The following COL19A1 variants were observed in gnomAD, a reference collection of about 807,000 sequenced individuals.
COL19A1 encodes collagen type XIX alpha 1 chain, also known as collagen alpha-1(XIX) chain.
COL19A1 carries 159 observed loss-of-function variants against 190.2 expected under a neutral mutation model. That is an observed-to-expected ratio of 0.84 (90% CI 0.73 to 0.95). The LOEUF is 0.95. Ranked by LOEUF, COL19A1 falls within the 40% of genes least tolerant of loss-of-function variation. The pLI, the probability that COL19A1 is intolerant of heterozygous loss-of-function variation, is 0.00. For missense variants in COL19A1, 1,418 were observed against 1,431.9 expected (o/e 0.99, Z 0.16); for synonymous variants, 509 against 458.9 (o/e 1.11, Z -1.39).
intron 15 of COL19A1, among the ~76,000 whole-genome samples, chr6:70,076,792 A>T (rs1397841852): frequency 6.6e-6 from 1 of 152,186 alleles, no homozygotes; most frequent in Non-Finnish European, 1.5e-5. Flanking sequence ...CCACAGAAAC[A>T]CTTAAAGAGA....
At chr6:69,937,044 T>C in intron 8 of COL19A1, 134 bp downstream of exon 8, 1 of 1,287,494 alleles carries the variant, frequency 7.8e-7, no homozygotes, top group Non-Finnish European at 1.1e-6. Context: ...GTTACTGGGG[T>C]GGGTTAAGAA....
At chr6:70,149,668 G>GTGGAA in intron 27 of COL19A1, 36 bp from the exon 28 acceptor site, 1 of 1,609,388 alleles carries the variant, frequency 6.2e-7, no homozygotes, top group Non-Finnish European at 8.5e-7. Flanking sequence ...GACATTCTTG[G>GTGGAA]TGGAATTTTA....
chr6:69,900,440 A>G (rs1770108044), intron 4 of COL19A1, 102 bp downstream of exon 4: 2 of 595,390 alleles, frequency 3.4e-6, no homozygotes, highest in African/African-American at 1.9e-5. Flanking sequence ...TCTCAATAGC[A>G]TCATCCTCAC....
chr6:70,103,572 C>A (rs370749242), intron 16 of COL19A1, among the ~76,000 whole-genome samples: 1 of 152,196 alleles, frequency 6.6e-6, no homozygotes, highest in Non-Finnish European at 1.5e-5. Context: ...CTCCTCTATG[C>A]CCTTCCTTCT....
intron 11 of COL19A1, among the ~76,000 whole-genome samples, chr6:69,997,456 G>GT (rs1776988870): frequency 6.6e-6 from 1 of 152,200 alleles, no homozygotes; most frequent in African/African-American, 2.4e-5. Context: ...CAGAAATATT[G>GT]TAAATCTGTT....
intron 19 of COL19A1, 46 bp downstream of exon 19, chr6:70,137,793 G>A (rs770359771): frequency 7.5e-6 from 12 of 1,589,626 alleles, no homozygotes; most frequent in African/African-American, 5.4e-5. Flanking sequence ...TCTAAAAAAC[G>A]GGATTAAAAA....
intron 6 of COL19A1, among the ~76,000 whole-genome samples, chr6:69,930,491 G>A (rs1772685658): frequency 6.6e-6 from 1 of 152,076 alleles, no homozygotes; most frequent in Admixed American, 6.6e-5. Flanking sequence ...AGTGTTCTAT[G>A]TCCTGTGTCT....
chr6:70,137,332 C>A (rs1302234543), intron 18 of COL19A1, among the ~76,000 whole-genome samples: 6 of 152,104 alleles, frequency 3.9e-5, no homozygotes, highest in Admixed American at 3.3e-4. Context: ...AGTCTGATGT[C>A]TTTGAGATCA....
chr6:69,903,796 G>A (rs1358190469), intron 4 of COL19A1, among the ~76,000 whole-genome samples: 1 of 152,166 alleles, frequency 6.6e-6, no homozygotes, highest in Non-Finnish European at 1.5e-5. Flanking sequence ...ACTACCTGTA[G>A]GGCTTATGCC....
At chr6:70,176,653 G>A (rs946315155) in intron 42 of COL19A1, 89 bp downstream of exon 42, 6 of 1,282,588 alleles carry the variant, frequency 4.7e-6, no homozygotes, top group Non-Finnish European at 6.5e-6. Flanking sequence ...ACAGGCAGGA[G>A]AGCATACCAT....
Position 69,921,348 on chromosome 6 carries a change from T to C in COL19A1, c.267-6561T>C, listed in dbSNP as rs1385210518. Among the ~76,000 whole-genome samples, 3 of 132,222 alleles carry C rather than the reference T, an allele frequency of 2.3e-5. No homozygotes were observed. The South Asian group carries it at 6.8e-4, about 30-fold the overall frequency. 86.7% of individuals were successfully genotyped at this position (132,222 alleles called of 152,430 possible). ...ATATATCATATATCTATATATATCA[T>C]ATATCATAATCATATATATCATATA... On this transcript the variant is annotated intron_variant, in intron 4 of 50. Coordinates refer to ENST00000620364, the MANE Select transcript of COL19A1 (RefSeq NM_001858.6).
At chr6:69,908,885 T>C (rs1770723911) in intron 4 of COL19A1, among the ~76,000 whole-genome samples, 1 of 152,160 alleles carries the variant, frequency 6.6e-6, no homozygotes, top group Non-Finnish European at 1.5e-5. Context: ...AATAAGTTTG[T>C]TTAAAAGGTA....
At chr6:69,992,459 A>T (rs550476929) in intron 11 of COL19A1, among the ~76,000 whole-genome samples, 48 of 152,218 alleles carry the variant, frequency 3.2e-4, no homozygotes, top group African/African-American at 1.1e-3. Context: ...TGTATACAAG[A>T]ACTTAAAGTA....
rs1562271899 is a variant in COL19A1 at position 70,207,359 on chromosome 6, G to GTTT, written c.*85_*86insTTT. The GTTT allele has an allele frequency of 2.8e-5, 25 of 895,564 alleles. No individual in the cohort carries two copies. The highest frequency in any genetic ancestry group is 5.9e-4 in the Middle Eastern group (2 of 3,372). 55.5% of individuals were successfully genotyped at this position (895,564 alleles called of 1,614,324 possible). On this transcript the variant is annotated 3_prime_UTR_variant, in exon 51 of 51. Coordinates refer to ENST00000620364, the MANE Select transcript of COL19A1 (RefSeq NM_001858.6). ...TACCGTCAAACCCTCATCATCTGTGGGTTGCTTTTTTTTTTTTTTTTTTTT... is the reference window on the plus strand; with the variant it reads ...TACCGTCAAACCCTCATCATCTGTGGTTTGTTGCTTTTTTTTTTTTTTTTTTTT...
intron 42 of COL19A1, among the ~76,000 whole-genome samples, chr6:70,177,064 T>A (rs2150281021): frequency 6.6e-6 from 1 of 152,308 alleles, no homozygotes; most frequent in South Asian, 2.1e-4. Context: ...ATCATTTTTG[T>A]TGCTCTCTGG....
intron 46 of COL19A1, among the ~76,000 whole-genome samples, chr6:70,185,131 C>G (rs1169404839): frequency 6.6e-6 from 1 of 152,164 alleles, no homozygotes; most frequent in Non-Finnish European, 1.5e-5. Flanking sequence ...TGTACACAGC[C>G]AAGTATACTT....
chr6:70,082,809 G>T (rs749934168), intron 15 of COL19A1, among the ~76,000 whole-genome samples: 11 of 152,160 alleles, frequency 7.2e-5, no homozygotes, highest in Non-Finnish European at 1.5e-4. Context: ...AAGGACTGGG[G>T]TTGAAGATAG....
At chr6:69,949,921 A>G (rs998773794) in intron 9 of COL19A1, among the ~76,000 whole-genome samples, 3 of 151,892 alleles carry the variant, frequency 2.0e-5, no homozygotes, top group Non-Finnish European at 4.4e-5. Flanking sequence ...TATGTATCTC[A>G]GGTCTAATAT....
At chr6:70,018,142 T>C (rs1778220507) in intron 11 of COL19A1, among the ~76,000 whole-genome samples, 1 of 152,016 alleles carries the variant, frequency 6.6e-6, no homozygotes, top group South Asian at 2.1e-4. Context: ...CAGAAAAAGA[T>C]AGGATTGAAA....
Sources: gnomAD v4.1 joint callset for allele counts (sites outside exome capture counted in the v4.1 genomes callset) on GRCh38, gnomAD v4.1.1 for gene constraint, MANE v1.5 for transcripts, NCBI Gene and HGNC (gene_info 2026-07-23, HGNC 2026-07-21) for gene names.